The following ARRB1 variants were observed in gnomAD, a reference collection of about 807,000 sequenced individuals.
ARRB1 encodes arrestin beta 1, also known as beta-arrestin-1.
A neutral mutation model predicts 56.8 loss-of-function variants in ARRB1; 21 were observed. The observed-to-expected ratio is 0.37, with a 90% CI of 0.26 to 0.53. ARRB1 has a LOEUF of 0.53. ARRB1 is among the 20% of genes least tolerant of loss of function. The probability of loss-of-function intolerance (pLI) is 0.88; values close to 1 mark genes in which losing one functional copy is unlikely to be tolerated. For missense variants in ARRB1, 424 were observed against 553.7 expected, an observed-to-expected ratio of 0.77 and a Z score of 2.35; for synonymous variants, 210 against 218.6, an observed-to-expected ratio of 0.96 and a Z score of 0.35.
chr11:75,324,444 G>T (rs1947397561), intron 1 of ARRB1, among the ~76,000 whole-genome samples: 2 of 152,188 alleles, frequency 1.3e-5, no homozygotes, highest in Admixed American at 6.5e-5. Context: ...GTAGGGATGA[G>T]GTCTGGCCCC....
chr11:75,330,641 C>T (rs1439969421), intron 1 of ARRB1, among the ~76,000 whole-genome samples: 2 of 152,208 alleles, frequency 1.3e-5, no homozygotes, highest in East Asian at 3.9e-4. Context: ...ATGTTCTCCC[C>T]AGTCTTCCTC....
intron 13 of ARRB1, among the ~76,000 whole-genome samples, chr11:75,270,089 T>G (rs1239118271): frequency 6.6e-6 from 1 of 152,280 alleles, no homozygotes; most frequent in East Asian, 1.9e-4. Context: ...TGCAGCACTT[T>G]CTAGCTTTGA....
chr11:75,349,190 G>A (rs186411388), intron 1 of ARRB1, among the ~76,000 whole-genome samples: 79 of 152,322 alleles, frequency 5.2e-4, no homozygotes, highest in Admixed American at 9.2e-4. Context: ...GGCTGCAGGA[G>A]AGTCTGAAGG....
At chr11:75,282,182 C>A (rs770007588) in intron 5 of ARRB1, 161 bp from the exon 6 acceptor site, 5 of 648,770 alleles carry the variant, frequency 7.7e-6, no homozygotes, top group Non-Finnish European at 1.3e-5. Context: ...CCATCTAAAA[C>A]TCTTTAGATA....
At chr11:75,278,510 C>G in intron 8 of ARRB1, 99 bp downstream of exon 8, 1 of 1,530,594 alleles carries the variant, frequency 6.5e-7, no homozygotes, top group East Asian at 2.3e-5. Flanking sequence ...GATAGAAGCT[C>G]CTACCTGAGG....
At chr11:75,267,600 C>T (rs1591884861) in intron 15 of ARRB1, 52 bp downstream of exon 15, 4 of 1,428,732 alleles carry the variant, frequency 2.8e-6, no homozygotes, top group East Asian at 4.6e-5. Flanking sequence ...CCCCCTCCAC[C>T]CCGCCCACCC....
chr11:75,290,101 C>T (rs1014186414), intron 1 of ARRB1, 62 bp from the exon 2 acceptor site: 26 of 1,607,004 alleles, frequency 1.6e-5, no homozygotes, highest in East Asian at 2.2e-5. Context: ...CAAGCTCCTG[C>T]GGGCCACCTT....
intron 1 of ARRB1, among the ~76,000 whole-genome samples, chr11:75,315,635 C>A (rs1174663004): frequency 1.3e-5 from 2 of 152,174 alleles, no homozygotes; most frequent in Non-Finnish European, 2.9e-5. Flanking sequence ...CACGTACTCT[C>A]CTAGAGAGTG....
intron 1 of ARRB1, among the ~76,000 whole-genome samples, chr11:75,339,152 A>G (rs1947658615): frequency 6.6e-6 from 1 of 152,218 alleles, no homozygotes; most frequent in Non-Finnish European, 1.5e-5. Flanking sequence ...TGTTTCTCCT[A>G]AGACATAGTT....
chr11:75,331,074 C>T (rs867292232), intron 1 of ARRB1, among the ~76,000 whole-genome samples: 1 of 152,236 alleles, frequency 6.6e-6, no homozygotes, highest in Admixed American at 6.5e-5. Context: ...CCCAGTGGCG[C>T]GATCTCGGCT....
rs919606842 is a variant in ARRB1 at position 75,265,944 on chromosome 11, G to A, written c.*219C>T. ...GAAAAGGAGGGGAGTGGAGATGGCA[G>A]AGATGGGGTGGAGCCAGTGCGCTGT... On this transcript the variant is annotated 3_prime_UTR_variant, in exon 16 of 16. Transcript: ENST00000420843. 1.8e-6 allele frequency: 1 copy of A among 563,398 alleles called. No individual in the cohort carries two copies. The highest frequency in any genetic ancestry group is 3.2e-6 in the Non-Finnish European group (1 of 314,480). The allele number at this position is 563,398 out of a possible 1,614,324, so 34.9% of individuals were successfully genotyped here.
At chr11:75,272,766 A>G in intron 12 of ARRB1, 129 bp downstream of exon 12, 1 of 780,952 alleles carries the variant, frequency 1.3e-6, no homozygotes, top group East Asian at 2.6e-5. Flanking sequence ...AAGAAGGGAC[A>G]GGAGGTTCCT....
In ARRB1 at chr11:75,265,491, G is replaced by C. The variant is rs1295758754; in HGVS notation, c.*672C>G. ...AAATATACTTGGGTGAGTCCACACA[G>C]CTTGCCTCAGTCTAGGTAACTGCTG... On this transcript the variant is annotated 3_prime_UTR_variant, in exon 16 of 16. Transcript: ENST00000420843. 2 of 153,102 alleles carry C rather than the reference G, an allele frequency of 1.3e-5. No individual in the cohort carries two copies. The highest frequency in any genetic ancestry group is 2.9e-5 in the Non-Finnish European group (2 of 68,736). The allele number at this position is 153,102 out of a possible 1,614,324, so 9.5% of individuals were successfully genotyped here. A position where few individuals can be genotyped will look rare whatever the true frequency, so the allele number is the denominator to read the frequency against.
rs538358597 is a variant in ARRB1 at position 75,321,352 on chromosome 11, A to T, written c.20+30236T>A. ...GGGAGGCAGAAGCTGTGGTCAGGAA[A>T]GTAGGCAGCCAGGCTTGGAGCCCAA... is the stretch of plus-strand genomic sequence containing the variant. On this transcript the variant is annotated intron_variant, in intron 1 of 15. Transcript: ENST00000420843. Among the ~76,000 whole-genome samples, 31 of 151,034 alleles carry T rather than the reference A, an allele frequency of 2.1e-4. No homozygotes were observed. In the South Asian group the frequency reaches 6.3e-3, roughly 31 times the overall value.
At chr11:75,280,935 C>T in intron 7 of ARRB1, 140 bp downstream of exon 7, 1 of 1,009,746 alleles carries the variant, frequency 9.9e-7, no homozygotes. Flanking sequence ...CTCCCAGCTT[C>T]CAGAGTGCCC....
In ARRB1 at chr11:75,323,977, AC is replaced by A. The variant is rs149320377; in HGVS notation, c.20+27610del. ...CATAGGAGATACTGAAGAAAAAAAA[AC>A]GTATTCAAAATTTTACATACAGTTT... is the stretch of plus-strand genomic sequence containing the variant. On this transcript the variant is annotated intron_variant, in intron 1 of 15. Transcript: ENST00000420843. Among the ~76,000 whole-genome samples the A allele has an allele frequency of 9.4e-4, 143 of 152,344 alleles. No individual in the cohort carries two copies. The East Asian group carries it at 0.014, about 15-fold the overall frequency.
At chr11:75,350,171 GGAGA>G (rs1420369696) in intron 1 of ARRB1, among the ~76,000 whole-genome samples, 1 of 152,224 alleles carries the variant, frequency 6.6e-6, no homozygotes, top group Non-Finnish European at 1.5e-5. Flanking sequence ...CTCACACTGT[GGAGA>G]GAGAGTCTTA....
chr11:75,295,362 A>C (rs897658384), intron 1 of ARRB1, among the ~76,000 whole-genome samples: 2 of 152,054 alleles, frequency 1.3e-5, no homozygotes, highest in African/African-American at 4.8e-5. Flanking sequence ...GGCTCAAGGG[A>C]TGAATCTGTT....
chr11:75,289,287 T>C (rs1031576716), intron 2 of ARRB1, among the ~76,000 whole-genome samples: 4 of 152,232 alleles, frequency 2.6e-5, no homozygotes, highest in South Asian at 4.1e-4. Context: ...TATGCTTTTA[T>C]GTCCTGCCTA....
Sources: gnomAD v4.1 joint callset for allele counts (sites outside exome capture counted in the v4.1 genomes callset) on GRCh38, gnomAD v4.1.1 for gene constraint, MANE v1.5 for transcripts, NCBI Gene and HGNC (gene_info 2026-07-23, HGNC 2026-07-21) for gene names.